The following FANK1 variants were observed in gnomAD, a reference collection of about 807,000 sequenced individuals.
The protein encoded by FANK1 is fibronectin type 3 and ankyrin repeat domains protein 1.
In FANK1, 44 loss-of-function variants were observed where a neutral mutation model predicts 45.3. That is an observed-to-expected ratio of 0.97 (90% CI 0.76 to 1.25). FANK1 has a LOEUF of 1.25. FANK1 is among the 50% of genes most tolerant of loss of function. The pLI, the probability that FANK1 is intolerant of heterozygous loss-of-function variation, is 0.00. For missense variants in FANK1, 391 were observed against 424.4 expected (o/e 0.92, Z 0.69); for synonymous variants, 149 against 152.5 (o/e 0.98, Z 0.17).
chr10:126,002,619 T>C (rs1952852701), intron 6 of FANK1, among the ~76,000 whole-genome samples: 1 of 152,186 alleles, frequency 6.6e-6, no homozygotes. Context: ...CACGTTTCCC[T>C]ATTGAGAAGA....
chr10:126,007,092 G>A (rs1055453231), intron 7 of FANK1: 1 of 152,240 alleles, frequency 6.6e-6, no homozygotes, highest in Non-Finnish European at 1.5e-5. Context: ...ATGTCAACAT[G>A]AGTCTTTCCA....
At chr10:125,930,977 C>T (rs1409500670) in intron 1 of FANK1, among the ~76,000 whole-genome samples, 1 of 152,158 alleles carries the variant, frequency 6.6e-6, no homozygotes, top group East Asian at 1.9e-4. Flanking sequence ...TTTGGTTTTC[C>T]ATTCCTGAGT....
At chr10:125,965,626 C>G (rs1436773195) in intron 1 of FANK1, among the ~76,000 whole-genome samples, 1 of 152,198 alleles carries the variant, frequency 6.6e-6, no homozygotes, top group East Asian at 1.9e-4. Flanking sequence ...TGCTGTACTT[C>G]TTTGAGCCTT....
At chr10:125,906,712 A>G (rs1945554201) in intron 1 of FANK1, among the ~76,000 whole-genome samples, 1 of 152,010 alleles carries the variant, frequency 6.6e-6, no homozygotes, top group Admixed American at 6.6e-5. Flanking sequence ...TAGAATTCTT[A>G]TGACTTCTAT....
intron 1 of FANK1, among the ~76,000 whole-genome samples, chr10:125,917,365 CT>C (rs769755317): frequency 1.3e-5 from 2 of 152,190 alleles, no homozygotes; most frequent in Non-Finnish European, 2.9e-5. Flanking sequence ...TGTGGTTCTG[CT>C]ATTGCCCAGT....
At chr10:125,999,958 T>A (rs538387654) in intron 6 of FANK1, among the ~76,000 whole-genome samples, 1 of 152,194 alleles carries the variant, frequency 6.6e-6, no homozygotes, top group Admixed American at 6.5e-5. Context: ...TTAGACTTAA[T>A]AAGGAGGCTC....
chr10:125,906,351 A>G (rs970409618), intron 1 of FANK1, among the ~76,000 whole-genome samples: 20 of 151,948 alleles, frequency 1.3e-4, no homozygotes, highest in Non-Finnish European at 2.6e-4. Flanking sequence ...CCCCATCTCT[A>G]TTAAAACTAC....
intron 3 of FANK1, 25 bp downstream of exon 3, chr10:125,988,700 C>T (rs776602624): frequency 1.2e-6 from 2 of 1,614,078 alleles, no homozygotes; most frequent in Non-Finnish European, 1.7e-6. Context: ...CGTCCACACT[C>T]ACCTCTCTCT....
At chr10:125,918,585 A>AATATATATATAT (rs1197525883) in intron 1 of FANK1, among the ~76,000 whole-genome samples, 75 of 70,966 alleles carry the variant, frequency 1.1e-3, no homozygotes, top group African/African-American at 2.4e-3. Context: ...AAAAAAAAAA[A>AATATATATATAT]ATATATATAT....
At chr10:125,996,496 A>C in intron 4 of FANK1, 54 bp from the exon 5 acceptor site, 2 of 1,557,078 alleles carry the variant, frequency 1.3e-6, no homozygotes, top group East Asian at 4.5e-5. Flanking sequence ...ACCGGCTTTG[A>C]CTCTGCAGTA....
chr10:125,938,350 G>A (rs986157115), intron 1 of FANK1, among the ~76,000 whole-genome samples: 5 of 152,136 alleles, frequency 3.3e-5, no homozygotes, highest in Non-Finnish European at 7.3e-5. Context: ...TTGCCCAGTA[G>A]GAATGAGCAC....
chr10:125,910,891 G>A (rs1177052499), intron 1 of FANK1, among the ~76,000 whole-genome samples: 4 of 152,028 alleles, frequency 2.6e-5, no homozygotes, highest in African/African-American at 9.7e-5. Flanking sequence ...AAAATTAGCC[G>A]GGTGTGGTGG....
At chr10:125,946,210 T>TC (rs1230277283) in intron 1 of FANK1, among the ~76,000 whole-genome samples, 1 of 151,434 alleles carries the variant, frequency 6.6e-6, no homozygotes, top group Non-Finnish European at 1.5e-5. Flanking sequence ...CCTCTCCTCC[T>TC]CCAAAGGAAC....
At chr10:125,994,969 C>T in intron 3 of FANK1, 1 of 981,808 alleles carries the variant, frequency 1.0e-6, no homozygotes, top group African/African-American at 1.7e-5. Context: ...ATGTAAGTCA[C>T]ATTCCTGGGA....
chr10:125,904,002 C>T (rs1045179336), intron 1 of FANK1, among the ~76,000 whole-genome samples: 34 of 151,874 alleles, frequency 2.2e-4, no homozygotes, highest in African/African-American at 6.3e-4. Flanking sequence ...GAATGTGATC[C>T]CACAGCTGTG....
chr10:125,959,528 G>A (rs1379345635), intron 1 of FANK1, among the ~76,000 whole-genome samples: 2 of 150,934 alleles, frequency 1.3e-5, no homozygotes, highest in Admixed American at 6.6e-5. Context: ...CTATATATAC[G>A]ATGGGGCAAC....
intron 1 of FANK1, among the ~76,000 whole-genome samples, chr10:125,977,028 C>G (rs1183149413): frequency 6.6e-6 from 1 of 151,856 alleles, no homozygotes; most frequent in Non-Finnish European, 1.5e-5. Context: ...TGTGATTGTT[C>G]TTTTCCTTAG....
At position 125,983,611 on chromosome 10, in the gene FANK1, C is replaced by A. The variant is rs776975188; in HGVS notation, c.191+3273C>A. 6.6e-5 allele frequency among the ~76,000 whole-genome samples: 10 copies of A among 152,078 alleles called. No individual in the cohort carries two copies. Among genetic ancestry groups the A allele is most frequent in the Non-Finnish European group, 1.5e-4 (10 of 68,028 alleles). The stretch of plus-strand genomic sequence containing the variant: ...GCCTTGCAACTATCTGGGGGAAGAA[C>A]CTTCCAGACATAGCAAAGGGCAGGT... On this transcript the variant is annotated intron_variant, in intron 2 of 10. Coordinates refer to ENST00000368693, the MANE Select transcript of FANK1 (RefSeq NM_145235.5). The surrounding 1 kb of genome is among the most constrained non-coding windows in gnomAD (Gnocchi z 4.3).
rs749215610 is a variant in FANK1 at position 125,957,398 on chromosome 10, G to A, written c.14-22763G>A. ...TTGTTAGGGCTCTTTGTTACTTTGT[G>A]TAGATCCAGATTTGTATCTTGTATG... On this transcript the variant is annotated intron_variant, in intron 1 of 10. Transcript: ENST00000368693. 3.3e-5 allele frequency among the ~76,000 whole-genome samples: 5 copies of A among 151,838 alleles called. No individual in the cohort carries two copies. The East Asian group carries it at 9.6e-4, about 29-fold the overall frequency.
Sources: gnomAD v4.1 joint callset for allele counts (sites outside exome capture counted in the v4.1 genomes callset) on GRCh38, gnomAD v4.1.1 for gene constraint, Gnocchi (gnomAD v3.1) non-coding constraint, MANE v1.5 for transcripts, NCBI Gene and HGNC (gene_info 2026-07-23, HGNC 2026-07-21) for gene names.